KBTBD11: variants seen among roughly 807,000 people sequenced by gnomAD.
KBTBD11 encodes kelch repeat and BTB domain containing 11.
For missense variants in KBTBD11, 1,390 were observed against 1,001.8 expected (o/e 1.39, Z -5.23); for synonymous variants, 747 against 499.0 (o/e 1.50, Z -6.63).
chr8:1,985,992 G>A (rs564536219), intron 1 of KBTBD11, among the ~76,000 whole-genome samples: 4 of 152,230 alleles, frequency 2.6e-5, no homozygotes, highest in Non-Finnish European at 5.9e-5. Flanking sequence ...ATATGAAACT[G>A]TCTCTTCCTG....
chr8:1,976,471 A>C (rs1816348146), intron 1 of KBTBD11: 1 of 152,218 alleles, frequency 6.6e-6, no homozygotes, highest in Admixed American at 6.5e-5. Context: ...TTGTCTTGGA[A>C]ATAGAAACCG....
rs1342528552 is a variant in KBTBD11 at position 2,001,209 on chromosome 8, C to T, written c.17C>T (p.Ala6Val). The T allele has an allele frequency of 1.4e-6, 2 of 1,390,258 alleles. No homozygotes were observed. Among genetic ancestry groups the T allele is most frequent in the Admixed American group, 2.9e-5 (1 of 34,198 alleles). 86.1% of individuals were successfully genotyped at this position (1,390,258 alleles called of 1,614,324 possible). Residue 6 changes from alanine (A) to valine (V), a missense_variant, in exon 2 of 2, where the codon GCC becomes GTC. Coordinates refer to ENST00000320248, the MANE Select transcript of KBTBD11 (RefSeq NM_014867.3). ...AGCCCGGCCATGGAGCACGCGGTGG[C>T]CCCCTGCGTCCTCTACCCAGGGACT... MEHAVAPCVLYPGTEP... is the reference protein window; with the variant it reads MEHAVVPCVLYPGTEP...
intron 1 of KBTBD11, chr8:1,974,340 CGCCGAGGGTCCCGCCGCCCCA>C: frequency 1.0e-6 from 1 of 984,558 alleles, no homozygotes. Flanking sequence ...TCACCGCCCC[CGCCGAGGGTCCCGCCGCCCCA>C]GCCGGCACGG....
At chr8:1,991,274 C>T (rs371388403) in intron 1 of KBTBD11, among the ~76,000 whole-genome samples, 10 of 152,338 alleles carry the variant, frequency 6.6e-5, no homozygotes, top group East Asian at 1.9e-4. Flanking sequence ...ATACACACCG[C>T]GTTGAACTCC....
chr8:2,003,223 C>CGCTTT lies in KBTBD11; in HGVS notation c.*165_*169dup. On this transcript the variant is annotated 3_prime_UTR_variant, in exon 2 of 2. Coordinates refer to ENST00000320248, the MANE Select transcript of KBTBD11 (RefSeq NM_014867.3). ...CCGAGGACGCTCTCAGGGCCGCTTT[C>CGCTTT]GCTTTGCTTTCCTTTTGCTTGTCTT... is the stretch of plus-strand genomic sequence containing the variant. 3.5e-6 allele frequency: 4 copies of CGCTTT among 1,147,278 alleles called. No homozygotes were observed. The highest frequency in any genetic ancestry group is 3.2e-5 in the African/African-American group (2 of 62,472). 71.1% of individuals were successfully genotyped at this position (1,147,278 alleles called of 1,614,324 possible). A position where few individuals can be genotyped will look rare whatever the true frequency, so the allele number is the denominator to read the frequency against.
chr8:1,976,935 C>G (rs1039746513), intron 1 of KBTBD11, among the ~76,000 whole-genome samples: 55 of 152,148 alleles, frequency 3.6e-4, no homozygotes, highest in African/African-American at 1.3e-3. Flanking sequence ...AGTGTAATGT[C>G]AGCCGATTTT....
Position 2,001,709 on chromosome 8 carries a change from G to T in KBTBD11, c.517G>T (p.Val173Leu), listed in dbSNP as rs1817368405. Residue 173 changes from valine to leucine, a missense_variant, in exon 2 of 2, where the codon GTG becomes TTG. Val to Leu is a conservative substitution (Grantham distance 32). Coordinates refer to ENST00000320248, the MANE Select transcript of KBTBD11 (RefSeq NM_014867.3). The stretch of plus-strand genomic sequence containing the variant: ...CTTCCGCGCGCGCGCGTCGCGGGAC[G>T]TGCTGCGGGTGCAGGGAGTGAGCCT... ...DYFRARASRD[V>L]LRVQGVSLTA... The T allele has an allele frequency of 7.0e-7, 1 of 1,425,482 alleles. No individual in the cohort carries two copies. 88.3% of individuals were successfully genotyped at this position (1,425,482 alleles called of 1,614,324 possible). A position where few individuals can be genotyped will look rare whatever the true frequency, so the allele number is the denominator to read the frequency against.
rs183956275 is a variant in KBTBD11 at position 1,999,012 on chromosome 8, T to C, written c.-908-1273T>C. Among the ~76,000 whole-genome samples the C allele has an allele frequency of 1.9e-4, 29 of 152,326 alleles. No individual in the cohort carries two copies. In the East Asian group the frequency reaches 3.9e-3, roughly 20 times the overall value. On this transcript the variant is annotated intron_variant, in intron 1 of 1. Transcript: ENST00000320248. ...GGGACCCTTGTGTCCTGCTTAGCTA[T>C]TGTCTGTGACCTACCCTGGGGATCA...
chr8:2,005,710 G>T lies in KBTBD11; in HGVS notation c.*2646G>T, dbSNP rs1393086882. ...AGATGAGGCTATTGCCTTGATGACA[G>T]CTGTCCACACTCCTCATGAAATTAA... On this transcript the variant is annotated 3_prime_UTR_variant, in exon 2 of 2. Transcript: ENST00000320248. 3 of 167,120 alleles carry T rather than the reference G, an allele frequency of 1.8e-5. No individual in the cohort carries two copies. The East Asian group carries it at 5.8e-4, about 32-fold the overall frequency. The allele number at this position is 167,120 out of a possible 1,614,324, so 10.4% of individuals were successfully genotyped here.
In KBTBD11 at chr8:2,006,297, T is replaced by C. The variant is rs1213222046; in HGVS notation, c.*3233T>C. 1 of 167,118 alleles carries C rather than the reference T, an allele frequency of 6.0e-6. No homozygotes were observed. The highest frequency in any genetic ancestry group is 1.5e-5 in the Non-Finnish European group (1 of 68,126). The allele number at this position is 167,118 out of a possible 1,614,324, so 10.4% of individuals were successfully genotyped here. A position where few individuals can be genotyped will look rare whatever the true frequency, so the allele number is the denominator to read the frequency against. ...ATGTTTTCAACGTTCTTTTGTCTTT[T>C]GCTGAAGTCAGGATAGATTCAAGAC... On this transcript the variant is annotated 3_prime_UTR_variant, in exon 2 of 2. Transcript: ENST00000320248.
Position 2,002,342 on chromosome 8 carries a change from T to C in KBTBD11, c.1150T>C (p.Cys384Arg). Reference sequence around the variant, plus strand: ...CGCGCGCCCGTCCGACCAGGTCTTCTGCTACAACCCGGCCACGGACAGCTG... The same window carrying C: ...CGCGCGCCCGTCCGACCAGGTCTTCCGCTACAACCCGGCCACGGACAGCTG... ...GRARPSDQVF[C>R]YNPATDSWSA... The change falls in exon 2 of 2, where the codon TGC becomes CGC. Residue 384 changes from cysteine to arginine, a missense_variant. By Grantham distance (180) the Cys-to-Arg change is radical. Coordinates refer to ENST00000320248, the MANE Select transcript of KBTBD11 (RefSeq NM_014867.3). This position sits in a 1 kb window ranked among gnomAD's most constrained non-coding sequence, Gnocchi z 4.1. 2 of 1,454,558 alleles carry C rather than the reference T, an allele frequency of 1.4e-6. No individual in the cohort carries two copies. Among genetic ancestry groups the C allele is most frequent in the Non-Finnish European group, 1.8e-6 (2 of 1,108,488 alleles). 90.1% of individuals were successfully genotyped at this position (1,454,558 alleles called of 1,614,324 possible). A position where few individuals can be genotyped will look rare whatever the true frequency, so the allele number is the denominator to read the frequency against.
intron 1 of KBTBD11, chr8:1,974,596 C>G (rs1816258694): frequency 2.0e-6 from 2 of 985,108 alleles, no homozygotes; most frequent in Non-Finnish European, 2.4e-6. Context: ...GCCCCGAGCA[C>G]CGCGACCCAC....
rs143997349 is a variant in KBTBD11, at chr8:1,988,854, A to G, written c.-908-11431A>G. 1.2e-3 allele frequency among the ~76,000 whole-genome samples: 174 copies of G among 150,202 alleles called. 1 individual carries two copies. Among genetic ancestry groups the G allele is most frequent in the African/African-American group, 4.1e-3 (164 of 39,610 alleles). ...TAAGTAAATGAGCAAATGAATGAAT[A>G]TTGCTAATTAATTATCATTATTAAC... is the stretch of plus-strand genomic sequence containing the variant. On this transcript the variant is annotated intron_variant, in intron 1 of 1. Coordinates refer to ENST00000320248, the MANE Select transcript of KBTBD11 (RefSeq NM_014867.3).
At chr8:1,999,994 A>G (rs1817279876) in intron 1 of KBTBD11, among the ~76,000 whole-genome samples, 3 of 152,212 alleles carry the variant, frequency 2.0e-5, no homozygotes, top group Non-Finnish European at 2.9e-5. Flanking sequence ...ATATGGTTCA[A>G]CCGATGCGTG....
rs1817404659 is a variant in KBTBD11 at position 2,002,242 on chromosome 8, G to A, written c.1050G>A (p.Arg350=). ...LTRLPEGAPA[R]GCGLCVLYNY... is the part of the protein sequence containing the mutation. The stretch of plus-strand genomic sequence containing the variant: ...GGCTGCCCGAGGGCGCGCCGGCGCG[G>A]GGCTGCGGCCTGTGCGTCCTCTACA... Residue 350 remains arginine (R), a synonymous_variant, in exon 2 of 2, where the codon CGG becomes CGA. Transcript: ENST00000320248. The surrounding 1 kb of genome is among the most constrained non-coding windows in gnomAD (Gnocchi z 4.1). 3 of 1,286,002 alleles carry A rather than the reference G, an allele frequency of 2.3e-6. No homozygotes were observed. The highest frequency in any genetic ancestry group is 2.0e-6 in the Non-Finnish European group (2 of 1,022,378). The allele number at this position is 1,286,002 out of a possible 1,614,324, so 79.7% of individuals were successfully genotyped here. A position where few individuals can be genotyped will look rare whatever the true frequency, so the allele number is the denominator to read the frequency against.
chr8:2,001,456 G>A lies in KBTBD11; in HGVS notation c.264G>A (p.Pro88=). 7.3e-7 allele frequency: 1 copy of A among 1,362,024 alleles called. No homozygotes were observed. Among genetic ancestry groups the A allele is most frequent in the Non-Finnish European group, 9.4e-7 (1 of 1,066,090 alleles). The allele number at this position is 1,362,024 out of a possible 1,614,324, so 84.4% of individuals were successfully genotyped here. Residue 88 remains proline (P), a synonymous_variant, in exon 2 of 2, where the codon CCG becomes CCA. Transcript: ENST00000320248. ...CCGGCAGCGCGGGCGCCGCGTCCCC[G>A]GAGGAGCTCGCGTCCCCTGAGGAGC... ...WEAGSAGAAS[P]EELASPEERA... is the part of the protein sequence containing the mutation.
In KBTBD11 at chr8:2,001,507, G is replaced by C. The variant is rs1817354469; in HGVS notation, c.315G>C (p.Ala105=). ...GCGCGTGCCCGGAAGAGCCCGCGGC[G>C]CCGTCCCCCGAACCGCGCGTTTGGC... is the stretch of plus-strand genomic sequence containing the variant. ...EERACPEEPA[A]PSPEPRVWLE... is the part of the protein sequence containing the mutation. The change falls in exon 2 of 2, where the codon GCG becomes GCC. Residue 105 remains alanine (A), a synonymous_variant. Transcript: ENST00000320248. 2.1e-6 allele frequency: 3 copies of C among 1,397,550 alleles called. No homozygotes were observed. The highest frequency in any genetic ancestry group is 2.8e-6 in the Non-Finnish European group (3 of 1,081,616). The allele number at this position is 1,397,550 out of a possible 1,614,324, so 86.6% of individuals were successfully genotyped here. A position where few individuals can be genotyped will look rare whatever the true frequency, so the allele number is the denominator to read the frequency against.
chr8:2,005,619 T>G lies in KBTBD11; in HGVS notation c.*2555T>G, dbSNP rs1817550234. The G allele has an allele frequency of 6.0e-6, 1 of 167,106 alleles. No homozygotes were observed. The highest frequency in any genetic ancestry group is 1.5e-5 in the Non-Finnish European group (1 of 68,142). 10.4% of individuals were successfully genotyped at this position (167,106 alleles called of 1,614,324 possible). On this transcript the variant is annotated 3_prime_UTR_variant, in exon 2 of 2. Transcript: ENST00000320248. The stretch of plus-strand genomic sequence containing the variant: ...TTCAAAGTGGTGTTCTAAGTCTGCG[T>G]CCAACACTGTGTAGGAAAAAGGTTG...
Position 2,000,833 on chromosome 8 carries a change from C to T in KBTBD11, c.-360C>T, listed in dbSNP as rs1817314346. 2 of 239,434 alleles carry T rather than the reference C, an allele frequency of 8.4e-6. No individual in the cohort carries two copies. The highest frequency in any genetic ancestry group is 5.7e-5 in the Admixed American group (1 of 17,558). The allele number at this position is 239,434 out of a possible 1,614,324, so 14.8% of individuals were successfully genotyped here. ...TGGTCACCCAGGCTGCAGAAACAAC[C>T]GCAGTCAACTGCAGCTCCAGTCATT... On this transcript the variant is annotated 5_prime_UTR_variant, in exon 2 of 2. Transcript: ENST00000320248.
Sources: gnomAD v4.1 joint callset for allele counts (sites outside exome capture counted in the v4.1 genomes callset) on GRCh38, gnomAD v4.1.1 for gene constraint, Gnocchi (gnomAD v3.1) non-coding constraint, MANE v1.5 for transcripts, NCBI Gene and HGNC (gene_info 2026-07-23, HGNC 2026-07-21) for gene names.